The following SLC26A11 variants were observed in gnomAD, a reference collection of about 807,000 sequenced individuals.
SLC26A11 encodes sodium-independent sulfate anion transporter.
Under a neutral mutation model 62.2 loss-of-function variants are expected in SLC26A11, and 58 were observed. The observed-to-expected ratio is 0.93, with a 90% CI of 0.76 to 1.16. The LOEUF is 1.16. SLC26A11 is among the 50% of genes most tolerant of loss of function. SLC26A11 has a pLI of 0.00. For synonymous variants in SLC26A11, 411 were observed against 368.9 expected, an observed-to-expected ratio of 1.11 and a Z score of -1.31; for missense variants, 790 against 794.3, an observed-to-expected ratio of 0.99 and a Z score of 0.06.
rs115904609 is a variant in SLC26A11 at position 80,236,652 on chromosome 17, A to T, written c.737-276A>T. On this transcript the variant is annotated intron_variant, in intron 7 of 17. Coordinates refer to ENST00000361193, the MANE Select transcript of SLC26A11 (RefSeq NM_001166347.2). ...TGCCCTGGGCCACCTGATTTCAGAG[A>T]GTCTTTGCCGCGGTGCACGATGTCC... is the stretch of plus-strand genomic sequence containing the variant. 1,282 of 385,470 alleles carry T rather than the reference A, an allele frequency of 3.3e-3. 18 individuals carry two copies. Among genetic ancestry groups the T allele is most frequent in the African/African-American group, 0.023 (1,166 of 49,908 alleles). 23.9% of individuals were successfully genotyped at this position (385,470 alleles called of 1,614,324 possible).
chr17:80,236,370 C>T (rs2042690352), intron 7 of SLC26A11, among the ~76,000 whole-genome samples: 1 of 152,226 alleles, frequency 6.6e-6, no homozygotes, highest in African/African-American at 2.4e-5. Flanking sequence ...CCCAGCATTG[C>T]CCCCTGAACT....
intron 13 of SLC26A11, among the ~76,000 whole-genome samples, 183 bp from the exon 14 acceptor site, chr17:80,247,947 T>C (rs2043051848): frequency 6.6e-6 from 1 of 152,228 alleles, no homozygotes; most frequent in Non-Finnish European, 1.5e-5. Flanking sequence ...AGGGCATTTC[T>C]TTCTTTCGAC....
intron 17 of SLC26A11, 68 bp downstream of exon 17, chr17:80,251,469 A>C (rs1204674807): frequency 6.3e-7 from 1 of 1,597,504 alleles, no homozygotes; most frequent in Admixed American, 1.7e-5. Context: ...ATTGTAAAAA[A>C]TATGGGAAAC....
intron 7 of SLC26A11, among the ~76,000 whole-genome samples, chr17:80,233,531 A>C (rs1308802962): frequency 3.3e-5 from 5 of 150,850 alleles, no homozygotes; most frequent in African/African-American, 1.2e-4. Context: ...TTCTACCTGA[A>C]GGATGTTATT....
At chr17:80,242,520 T>G (rs1006793961) in intron 10 of SLC26A11, among the ~76,000 whole-genome samples, 1 of 151,336 alleles carries the variant, frequency 6.6e-6, no homozygotes, top group African/African-American at 2.4e-5. Flanking sequence ...TCGAGAGGAG[T>G]CTTCTGATTG....
Position 80,221,543 on chromosome 17 carries a change from C to T in SLC26A11, c.-13-5C>T. ...CTGCTGGTCTGTGTCACCTGCACCC[C>T]CCAGCCCCACCGTAGAGATGCCTTC... On this transcript the variant is annotated splice_polypyrimidine_tract_variant and splice_region_variant and intron_variant, in intron 2 of 17. Transcript: ENST00000361193. The T allele has an allele frequency of 6.4e-7, 1 of 1,554,590 alleles. No individual in the cohort carries two copies.
intron 10 of SLC26A11, among the ~76,000 whole-genome samples, chr17:80,242,106 A>G (rs569953539): frequency 1.5e-3 from 233 of 152,314 alleles, no homozygotes; most frequent in African/African-American, 5.6e-3. Context: ...CCTCCCAAGT[A>G]GCTGGGATTA....
chr17:80,249,261 G>T lies in SLC26A11; in HGVS notation c.1630G>T (p.Val544Phe), dbSNP rs761082284. 3.1e-6 allele frequency: 5 copies of T among 1,610,868 alleles called. No homozygotes were observed. Among genetic ancestry groups the T allele is most frequent in the Admixed American group, 3.3e-5 (2 of 60,002 alleles). Residue 544 changes from valine to phenylalanine, a missense_variant, in exon 16 of 18, where the codon GTC becomes TTC. Coordinates refer to ENST00000361193, the MANE Select transcript of SLC26A11 (RefSeq NM_001166347.2). Reference sequence around the variant, plus strand: ...CCTCCAGGACTTCCAGAAGCAGGGCGTCGCCCTGGCCTTTGTGGGCCTGCA... The same window carrying T: ...CCTCCAGGACTTCCAGAAGCAGGGCTTCGCCCTGGCCTTTGTGGGCCTGCA... Reference protein sequence around the residue: ...ELLQDFQKQGVALAFVGLQVP... With the variant: ...ELLQDFQKQGFALAFVGLQVP...
intron 5 of SLC26A11, among the ~76,000 whole-genome samples, chr17:80,225,091 CGTGGGAGGCCGAG>C (rs2042371709): frequency 6.6e-6 from 1 of 152,042 alleles, no homozygotes; most frequent in African/African-American, 2.4e-5. Context: ...ATCCCAGCTA[CGTGGGAGGCCGAG>C]GTGGGAGGAT....
In SLC26A11 at chr17:80,227,814, A is replaced by G. The variant is rs1018169479; in HGVS notation, c.594-4A>G. 7 of 1,603,784 alleles carry G rather than the reference A, an allele frequency of 4.4e-6. No homozygotes were observed. The African/African-American group carries it at 9.3e-5, about 21-fold the overall frequency. The stretch of plus-strand genomic sequence containing the variant: ...GTGGTGACCAGTCCTCTGCCTGTCC[A>G]CAGGGTAGGTGACGCCGTCCTGGGG... On this transcript the variant is annotated splice_polypyrimidine_tract_variant and splice_region_variant and intron_variant, in intron 6 of 17. Coordinates refer to ENST00000361193, the MANE Select transcript of SLC26A11 (RefSeq NM_001166347.2).
At position 80,246,109 on chromosome 17, in the gene SLC26A11, T is replaced by G. The variant is rs34818744; in HGVS notation, c.1098-45T>G. ...ACAGGAGTGTGGACTGAGGTCTCCC[T>G]TTTCCCGGCCCCTGGTGACTGACGG... On this transcript the variant is annotated intron_variant, in intron 11 of 17. Transcript: ENST00000361193. This position sits in a 1 kb window ranked among gnomAD's most constrained non-coding sequence, Gnocchi z 4.4. 3 of 1,609,824 alleles carry G rather than the reference T, an allele frequency of 1.9e-6. No homozygotes were observed. The highest frequency in any genetic ancestry group is 2.5e-6 in the Non-Finnish European group (3 of 1,177,270).
intron 6 of SLC26A11, 83 bp from the exon 7 acceptor site, chr17:80,227,735 C>A: frequency 6.5e-7 from 1 of 1,531,926 alleles, no homozygotes. Flanking sequence ...TAGTGCCTCT[C>A]AGCTTAAGCA....
Position 80,252,406 on chromosome 17 carries a change from T to C in SLC26A11, c.1730-219T>C, listed in dbSNP as rs2043179327. Reference sequence around the variant, plus strand: ...CTGGCCGTGGGATGGGAGGGTACCCTGGAGCAGTAAGAAAGGGCCGTTAGT... The same window carrying C: ...CTGGCCGTGGGATGGGAGGGTACCCCGGAGCAGTAAGAAAGGGCCGTTAGT... On this transcript the variant is annotated intron_variant, in intron 17 of 17. Transcript: ENST00000361193. This position sits in a 1 kb window ranked among gnomAD's most constrained non-coding sequence, Gnocchi z 5.2. Among the ~76,000 whole-genome samples the C allele has an allele frequency of 6.6e-6, 1 of 152,072 alleles. No individual in the cohort carries two copies. Among genetic ancestry groups the C allele is most frequent in the South Asian group, 2.1e-4 (1 of 4,818 alleles).
rs74000680 is a variant in SLC26A11 at position 80,252,131 on chromosome 17, G to A, written c.1730-494G>A. ...TGAGCCGCAGCAGGTGTCAACAAGAGGATGGGCCAGAGATGCAGAGCATCC... is the reference window on the plus strand; with the variant it reads ...TGAGCCGCAGCAGGTGTCAACAAGAAGATGGGCCAGAGATGCAGAGCATCC... On this transcript the variant is annotated intron_variant, in intron 17 of 17. Transcript: ENST00000361193. This position sits in a 1 kb window ranked among gnomAD's most constrained non-coding sequence, Gnocchi z 5.2. Among the ~76,000 whole-genome samples, 9,908 of 152,180 alleles carry A rather than the reference G, an allele frequency of 0.065. 791 individuals carry two copies. Among genetic ancestry groups the A allele is most frequent in the African/African-American group, 0.19 (7,961 of 41,458 alleles).
intron 5 of SLC26A11, among the ~76,000 whole-genome samples, chr17:80,225,107 G>A (rs2042372003): frequency 6.6e-6 from 1 of 152,094 alleles, no homozygotes; most frequent in Admixed American, 6.5e-5. Context: ...AGGCCGAGGT[G>A]GGAGGATCAC....
At chr17:80,232,687 T>C (rs2042594189) in intron 7 of SLC26A11, among the ~76,000 whole-genome samples, 1 of 152,268 alleles carries the variant, frequency 6.6e-6, no homozygotes, top group South Asian at 2.1e-4. Context: ...ATATTTAATG[T>C]GATTATTGGT....
intron 10 of SLC26A11, among the ~76,000 whole-genome samples, chr17:80,243,688 C>T (rs2042921402): frequency 6.6e-6 from 1 of 152,228 alleles, no homozygotes; most frequent in South Asian, 2.1e-4. Flanking sequence ...TGAGCCACAG[C>T]CCCTGGCCCT....
Position 80,237,607 on chromosome 17 carries a change from T to A in SLC26A11, c.985+13T>A. 6.2e-7 allele frequency: 1 copy of A among 1,608,880 alleles called. No individual in the cohort carries two copies. Among genetic ancestry groups the A allele is most frequent in the South Asian group, 1.1e-5 (1 of 89,624 alleles). On this transcript the variant is annotated intron_variant, in intron 9 of 17. Coordinates refer to ENST00000361193, the MANE Select transcript of SLC26A11 (RefSeq NM_001166347.2). ...GCCAAAGCCTTCGGTAAGACGCCTG[T>A]CACCCACACCCCAGGTCTCCCAGTG... is the stretch of plus-strand genomic sequence containing the variant.
chr17:80,249,021 C>G, intron 15 of SLC26A11, 133 bp from the exon 16 acceptor site: 1 of 1,135,516 alleles, frequency 8.8e-7, no homozygotes, highest in Non-Finnish European at 1.2e-6. Flanking sequence ...CCCAACTGGG[C>G]GACTCAGCCG....
Sources: allele counts gnomAD v4.1 joint callset (sites outside exome capture counted in the v4.1 genomes callset), GRCh38; gene constraint gnomAD v4.1.1; non-coding constraint Gnocchi (gnomAD v3.1); transcripts MANE v1.5; gene names NCBI Gene and HGNC (gene_info 2026-07-23, HGNC 2026-07-21).